Variants in NPSR1 observed in about 807,000 individuals in gnomAD.
The protein encoded by NPSR1 is neuropeptide S receptor.
NPSR1 carries 48 observed loss-of-function variants against 46.9 expected under a neutral mutation model. That is an observed-to-expected ratio of 1.02 (90% CI 0.81 to 1.30). The LOEUF is 1.30. Among genes scored for constraint, NPSR1 ranks in the 50% most tolerant of loss-of-function variants. The pLI, the probability that NPSR1 is intolerant of heterozygous loss-of-function variation, is 0.00. For missense variants in NPSR1, 450 were observed against 449.5 expected (o/e 1.00, Z -0.01); for synonymous variants, 176 against 168.1 (o/e 1.05, Z -0.36).
intron 2 of NPSR1, among the ~76,000 whole-genome samples, chr7:34,724,324 G>A (rs969695675): frequency 6.6e-6 from 1 of 152,160 alleles, no homozygotes; most frequent in Non-Finnish European, 1.5e-5. Flanking sequence ...CCTAGAGTTT[G>A]GCAGCCTTTG....
At chr7:34,778,107 C>A (rs1583998425) in intron 2 of NPSR1, among the ~76,000 whole-genome samples, 1 of 152,212 alleles carries the variant, frequency 6.6e-6, no homozygotes, top group African/African-American at 2.4e-5. Context: ...TTGCTTTTCT[C>A]AATTTTGTCC....
At chr7:34,866,000 A>G (rs183078701) in intron 8 of NPSR1, among the ~76,000 whole-genome samples, 32 of 151,906 alleles carry the variant, frequency 2.1e-4, no homozygotes, top group Admixed American at 5.9e-4. Flanking sequence ...CCCTGCCTTT[A>G]TTTGAAAAGG....
Position 34,683,736 on chromosome 7 carries a change from T to G in NPSR1, c.148-816T>G, listed in dbSNP as rs1484248828. The stretch of plus-strand genomic sequence containing the variant: ...ACTCATTCCTTTATCAGTAACCCAC[T>G]CCTGCAATAACTAATCCACTCCCAC... On this transcript the variant is annotated intron_variant, in intron 1 of 8. Coordinates refer to ENST00000360581, the MANE Select transcript of NPSR1 (RefSeq NM_207172.2). Among the ~76,000 whole-genome samples the G allele has an allele frequency of 3.9e-5, 6 of 152,232 alleles. No homozygotes were observed. In the East Asian group the frequency reaches 1.2e-3, roughly 30 times the overall value.
intron 6 of NPSR1, among the ~76,000 whole-genome samples, chr7:34,842,657 C>T (rs1013085310): frequency 3.9e-5 from 6 of 152,186 alleles, no homozygotes; most frequent in Non-Finnish European, 7.3e-5. Context: ...TAGGAGTGGC[C>T]TTACAGGGTA....
chr7:34,744,547 C>T (rs1273334567), intron 2 of NPSR1, among the ~76,000 whole-genome samples: 1 of 152,162 alleles, frequency 6.6e-6, no homozygotes, highest in Non-Finnish European at 1.5e-5. Context: ...AAAATGAATG[C>T]AGATGGCTGG....
At chr7:34,745,216 G>A (rs1046624976) in intron 2 of NPSR1, among the ~76,000 whole-genome samples, 2 of 152,130 alleles carry the variant, frequency 1.3e-5, no homozygotes, top group African/African-American at 4.8e-5. Flanking sequence ...TGGAACTCCA[G>A]TGGGATTTTT....
intron 2 of NPSR1, among the ~76,000 whole-genome samples, chr7:34,687,501 C>T (rs1318850846): frequency 6.6e-6 from 1 of 152,174 alleles, no homozygotes; most frequent in Non-Finnish European, 1.5e-5. Context: ...GTACCTTCTT[C>T]ACAAGGCAGC....
intron 2 of NPSR1, among the ~76,000 whole-genome samples, chr7:34,749,027 C>T (rs1309495802): frequency 6.6e-6 from 1 of 152,096 alleles, no homozygotes; most frequent in Non-Finnish European, 1.5e-5. Context: ...TGAATTAGTC[C>T]AAAGTCTAAT....
chr7:34,828,644 A>T (rs916516597), intron 5 of NPSR1, among the ~76,000 whole-genome samples: 1 of 152,234 alleles, frequency 6.6e-6, no homozygotes, highest in Non-Finnish European at 1.5e-5. Flanking sequence ...GCAAAGGAAG[A>T]TTATCAGCCT....
intron 5 of NPSR1, among the ~76,000 whole-genome samples, chr7:34,833,879 C>G (rs988529763): frequency 9.9e-5 from 15 of 152,166 alleles, no homozygotes; most frequent in Non-Finnish European, 1.8e-4. Context: ...ACAAGACAGG[C>G]ACTACATTCT....
intron 1 of NPSR1, among the ~76,000 whole-genome samples, chr7:34,666,275 G>C (rs1211854736): frequency 6.6e-6 from 1 of 152,170 alleles, no homozygotes; most frequent in Non-Finnish European, 1.5e-5. Flanking sequence ...GAAAGGAAAA[G>C]AGAACAGGTT....
intron 2 of NPSR1, among the ~76,000 whole-genome samples, chr7:34,758,531 T>A (rs1785995018): frequency 2.0e-5 from 3 of 152,196 alleles, no homozygotes; most frequent in African/African-American, 7.2e-5. Context: ...TGCCAGCTCT[T>A]CCCCTATGGG....
chr7:34,764,465 G>C (rs187017534), intron 2 of NPSR1, among the ~76,000 whole-genome samples: 1 of 152,254 alleles, frequency 6.6e-6, no homozygotes, highest in Non-Finnish European at 1.5e-5. Context: ...GGCCCATCCA[G>C]TTACAGAATT....
intron 1 of NPSR1, among the ~76,000 whole-genome samples, chr7:34,661,856 T>C (rs1384454299): frequency 2.0e-5 from 3 of 152,196 alleles, no homozygotes; most frequent in East Asian, 1.9e-4. Context: ...TAAGGAATTA[T>C]ATGCGTTTCA....
chr7:34,674,276 T>A (rs1458820986), intron 1 of NPSR1, among the ~76,000 whole-genome samples: 6 of 152,214 alleles, frequency 3.9e-5, no homozygotes, highest in Non-Finnish European at 8.8e-5. Context: ...ACATTGTGTC[T>A]CATTCTCCAA....
At chr7:34,810,244 A>G (rs564537201) in intron 3 of NPSR1, among the ~76,000 whole-genome samples, 4 of 152,354 alleles carry the variant, frequency 2.6e-5, no homozygotes, top group Non-Finnish European at 4.4e-5. Flanking sequence ...ACCTAATGTT[A>G]CAAAGTGGAG....
chr7:34,849,352 G>A, intron 8 of NPSR1: 1 of 1,551,438 alleles, frequency 6.4e-7, no homozygotes. Context: ...CTGTTGGCCT[G>A]TGATGTCTCT....
At chr7:34,829,639 C>T (rs1475317938) in intron 5 of NPSR1, among the ~76,000 whole-genome samples, 1 of 152,172 alleles carries the variant, frequency 6.6e-6, no homozygotes, top group African/African-American at 2.4e-5. Context: ...GTGGATGCTG[C>T]AGCACATGGA....
intron 3 of NPSR1, among the ~76,000 whole-genome samples, chr7:34,802,215 C>A (rs1028647401): frequency 2.0e-5 from 3 of 150,356 alleles, no homozygotes; most frequent in Non-Finnish European, 4.4e-5. Flanking sequence ...GAAAAAACTA[C>A]TTTAAACTTC....
Sources: allele counts gnomAD v4.1 joint callset (sites outside exome capture counted in the v4.1 genomes callset), GRCh38; gene constraint gnomAD v4.1.1; transcripts MANE v1.5; gene names NCBI Gene and HGNC (gene_info 2026-07-23, HGNC 2026-07-21).